GNA13: variants seen among roughly 807,000 people sequenced by gnomAD.
GNA13 encodes the protein G protein subunit alpha 13.
A neutral mutation model predicts 33.5 loss-of-function variants in GNA13; 4 were observed. The observed-to-expected ratio is 0.12, with a 90% CI of 0.06 to 0.27. GNA13 has a LOEUF of 0.27. Ranked by LOEUF, GNA13 falls within the 10% of genes least tolerant of loss-of-function variation. The probability of loss-of-function intolerance (pLI) is 1.00; values close to 1 mark genes in which losing one functional copy is unlikely to be tolerated. For synonymous variants in GNA13, 176 were observed against 183.8 expected, an observed-to-expected ratio of 0.96 and a Z score of 0.34; for missense variants, 319 against 487.2, an observed-to-expected ratio of 0.65 and a Z score of 3.25.
Position 65,012,915 on chromosome 17 carries a change from C to A in GNA13, c.*1342G>T. ...AAGATAGTATTTCAGTACTGCAAAC[C>A]AGCCATTCTGATGAGTTCACTATGA... On this transcript the variant is annotated 3_prime_UTR_variant, in exon 4 of 4. Coordinates refer to ENST00000439174, the MANE Select transcript of GNA13 (RefSeq NM_006572.6). The A allele has an allele frequency of 4.5e-6, 1 of 221,784 alleles. No individual in the cohort carries two copies. Among genetic ancestry groups the A allele is most frequent in the East Asian group, 6.6e-5 (1 of 15,194 alleles). 13.7% of individuals were successfully genotyped at this position (221,784 alleles called of 1,614,324 possible).
In GNA13 at chr17:65,056,652, G is replaced by C. The variant is rs1419402119; in HGVS notation, c.-59C>G. On this transcript the variant is annotated 5_prime_UTR_variant, in exon 1 of 4. Coordinates refer to ENST00000439174, the MANE Select transcript of GNA13 (RefSeq NM_006572.6). Reference sequence around the variant, plus strand: ...TCCGGCTCCCTCCACCTCCTCCTCCGGCGGCGGGCGGCTCCGGCACCGAGG... The same window carrying C: ...TCCGGCTCCCTCCACCTCCTCCTCCCGCGGCGGGCGGCTCCGGCACCGAGG... 2 of 1,420,088 alleles carry C rather than the reference G, an allele frequency of 1.4e-6. No homozygotes were observed. The highest frequency in any genetic ancestry group is 9.4e-7 in the Non-Finnish European group (1 of 1,063,868). 88.0% of individuals were successfully genotyped at this position (1,420,088 alleles called of 1,614,324 possible).
chr17:65,054,791 T>C (rs1907979317), intron 1 of GNA13, among the ~76,000 whole-genome samples: 1 of 152,210 alleles, frequency 6.6e-6, no homozygotes, highest in Non-Finnish European at 1.5e-5. Flanking sequence ...ATTAACATAA[T>C]TCCTTAAGTT....
intron 2 of GNA13, among the ~76,000 whole-genome samples, chr17:65,019,341 A>T (rs1158945264): frequency 6.6e-6 from 1 of 152,186 alleles, no homozygotes; most frequent in African/African-American, 2.4e-5. Context: ...GGAAATGAGT[A>T]TATGGAGGAG....
At chr17:65,019,419 A>C (rs2143774845) in intron 2 of GNA13, among the ~76,000 whole-genome samples, 1 of 152,336 alleles carries the variant, frequency 6.6e-6, no homozygotes, top group African/African-American at 2.4e-5. Flanking sequence ...AAGCAGCCTA[A>C]GTGTCCATCA....
At chr17:65,043,247 TG>T (rs1907527749) in intron 2 of GNA13, among the ~76,000 whole-genome samples, 1 of 151,898 alleles carries the variant, frequency 6.6e-6, no homozygotes, top group Admixed American at 6.6e-5. Context: ...AATGTAAAAA[TG>T]TTTTGCAATA....
At chr17:65,035,558 A>T (rs1907212867) in intron 2 of GNA13, among the ~76,000 whole-genome samples, 1 of 152,238 alleles carries the variant, frequency 6.6e-6, no homozygotes, top group South Asian at 2.1e-4. Context: ...ACTTAAAAAA[A>T]ACAAGCTAAT....
chr17:65,050,299 G>T (rs1907816705), intron 2 of GNA13, among the ~76,000 whole-genome samples: 1 of 152,222 alleles, frequency 6.6e-6, no homozygotes, highest in Non-Finnish European at 1.5e-5. Flanking sequence ...AATTGATGAT[G>T]ACTTTGAGGA....
At position 65,010,016 on chromosome 17, in the gene GNA13, C is replaced by A. The variant is rs545483290; in HGVS notation, c.*4241G>T. On this transcript the variant is annotated 3_prime_UTR_variant, in exon 4 of 4. Transcript: ENST00000439174. ...CTCTGATCCACCTGTAAACTTTCATCATCAACAGCAGATTTGTATATGTCA... is the reference window on the plus strand; with the variant it reads ...CTCTGATCCACCTGTAAACTTTCATAATCAACAGCAGATTTGTATATGTCA... Among the ~76,000 whole-genome samples the A allele has an allele frequency of 2.0e-5, 3 of 152,312 alleles. No homozygotes were observed. The South Asian group carries it at 6.2e-4, about 32-fold the overall frequency.
At chr17:65,041,079 A>G (rs1231444869) in intron 2 of GNA13, among the ~76,000 whole-genome samples, 1 of 152,254 alleles carries the variant, frequency 6.6e-6, no homozygotes, top group Admixed American at 6.5e-5. Flanking sequence ...ATAACTTCTG[A>G]GCCAATTCAT....
chr17:65,021,220 T>C (rs1177789382), intron 2 of GNA13, among the ~76,000 whole-genome samples: 4 of 152,218 alleles, frequency 2.6e-5, no homozygotes, highest in Non-Finnish European at 4.4e-5. Flanking sequence ...AGATAGACTT[T>C]ATTACTGACA....
At chr17:65,019,030 C>A (rs919039665) in intron 2 of GNA13, among the ~76,000 whole-genome samples, 40 of 152,152 alleles carry the variant, frequency 2.6e-4, no homozygotes, top group African/African-American at 9.7e-4. Context: ...GTCCTCACCC[C>A]CTGCGTTTCA....
At chr17:65,056,267 G>T in intron 1 of GNA13, 44 bp downstream of exon 1, 15 of 627,450 alleles carry the variant, frequency 2.4e-5, no homozygotes, top group Non-Finnish European at 3.9e-5. Flanking sequence ...CGCCGCCCCA[G>T]CCCCCCTGCC....
At chr17:65,032,947 C>T (rs1408824504) in intron 2 of GNA13, among the ~76,000 whole-genome samples, 1 of 152,004 alleles carries the variant, frequency 6.6e-6, no homozygotes, top group Non-Finnish European at 1.5e-5. Flanking sequence ...CCCGTCTCTA[C>T]TCAAAATGCA....
intron 2 of GNA13, among the ~76,000 whole-genome samples, chr17:65,029,834 A>G (rs1472846615): frequency 6.6e-6 from 1 of 152,108 alleles, no homozygotes; most frequent in African/African-American, 2.4e-5. Context: ...TACAAATGTC[A>G]GAGTTGTCAC....
At chr17:65,042,961 T>A (rs1397863020) in intron 2 of GNA13, among the ~76,000 whole-genome samples, 1 of 152,190 alleles carries the variant, frequency 6.6e-6, no homozygotes, top group Non-Finnish European at 1.5e-5. Flanking sequence ...GGAATATTAA[T>A]AACTAATATT....
In GNA13 at chr17:65,009,939, C is replaced by T. The variant is rs574359945; in HGVS notation, c.*4318G>A. Among the ~76,000 whole-genome samples the T allele has an allele frequency of 1.3e-5, 2 of 152,264 alleles. No homozygotes were observed. Among genetic ancestry groups the T allele is most frequent in the African/African-American group, 2.4e-5 (1 of 41,558 alleles). Reference sequence around the variant, plus strand: ...AAGTCACATACCAAGTAGTATATGACGTTCAGTGATATTCACTGACTGAAA... The same window carrying T: ...AAGTCACATACCAAGTAGTATATGATGTTCAGTGATATTCACTGACTGAAA... On this transcript the variant is annotated 3_prime_UTR_variant, in exon 4 of 4. Transcript: ENST00000439174.
In GNA13 at chr17:65,056,291, C is replaced by A. The variant is rs755780414; in HGVS notation, c.283+20G>T. ...AGCCCCCCTGCCCTTAACCCCCGGC[C>A]CCCATTCCCGGCCCGGCACCTTTGA... On this transcript the variant is annotated intron_variant, in intron 1 of 3. Transcript: ENST00000439174. 1.3e-6 allele frequency: 2 copies of A among 1,587,930 alleles called. No homozygotes were observed. The highest frequency in any genetic ancestry group is 2.2e-5 in the East Asian group (1 of 44,572).
At chr17:65,018,127 A>AAAAAAG in intron 3 of GNA13, 126 bp downstream of exon 3, 1 of 228,386 alleles carries the variant, frequency 4.4e-6, no homozygotes, top group South Asian at 5.7e-5. Context: ...AAAAAAAAAA[A>AAAAAAG]AAAAAAAAAA....
chr17:65,022,143 A>G (rs1438048670), intron 2 of GNA13, among the ~76,000 whole-genome samples: 2 of 152,224 alleles, frequency 1.3e-5, no homozygotes, highest in African/African-American at 2.4e-5. Flanking sequence ...AGACTATTTC[A>G]TGATATGTAA....
Sources: gnomAD v4.1 joint callset for allele counts (sites outside exome capture counted in the v4.1 genomes callset) on GRCh38, gnomAD v4.1.1 for gene constraint, MANE v1.5 for transcripts, NCBI Gene and HGNC (gene_info 2026-07-23, HGNC 2026-07-21) for gene names.